BMP10: variants seen among roughly 807,000 people sequenced by gnomAD.
BMP10 encodes the protein bone morphogenetic protein 10.
In BMP10, 9 loss-of-function variants were observed where a neutral mutation model predicts 29.9. The observed-to-expected ratio is 0.30, with a 90% CI of 0.18 to 0.53. BMP10 has a LOEUF of 0.53. Among genes scored for constraint, BMP10 ranks in the 20% least tolerant of loss-of-function variants. BMP10 has a pLI of 0.96. For missense variants in BMP10, 474 were observed against 524.3 expected (o/e 0.90, Z 0.94); for synonymous variants, 202 against 200.2 (o/e 1.01, Z -0.07).
In BMP10 at chr2:68,864,555, C is replaced by A. The variant is rs1214790393; in HGVS notation, c.*1076G>T. ...ACAGGGATGGGAGGAAGGTGAGAGG[C>A]ACTAGGGCCAAGAAGAAAGAGGGAA... is the stretch of plus-strand genomic sequence containing the variant. On this transcript the variant is annotated 3_prime_UTR_variant, in exon 2 of 2. Transcript: ENST00000295379. Among the ~76,000 whole-genome samples, 1 of 151,934 alleles carries A rather than the reference C, an allele frequency of 6.6e-6. No individual in the cohort carries two copies. Among genetic ancestry groups the A allele is most frequent in the Non-Finnish European group, 1.5e-5 (1 of 67,974 alleles).
chr2:68,870,617 C>T (rs541289514), intron 1 of BMP10, among the ~76,000 whole-genome samples: 108 of 152,272 alleles, frequency 7.1e-4, no homozygotes, highest in African/African-American at 2.0e-3. Context: ...ACTGTTTTTA[C>T]CCTTTTTATT....
At position 68,862,705 on chromosome 2, in the gene BMP10, A is replaced by C. The variant is rs1261703170; in HGVS notation, c.*2926T>G. Among the ~76,000 whole-genome samples the C allele has an allele frequency of 6.6e-6, 1 of 152,176 alleles. No homozygotes were observed. Among genetic ancestry groups the C allele is most frequent in the Admixed American group, 6.5e-5 (1 of 15,288 alleles). The stretch of plus-strand genomic sequence containing the variant: ...TCTGACAATATTCTGGCTTCCTGTC[A>C]ATGCAGGAGTTGAAAGTGACACCGG... On this transcript the variant is annotated 3_prime_UTR_variant, in exon 2 of 2. Transcript: ENST00000295379.
Position 68,865,967 on chromosome 2 carries a change from T to C in BMP10, c.939A>G (p.Arg313=). ...RSNIIYDSTA[R]IRRNAKGNYC... The stretch of plus-strand genomic sequence containing the variant: ...AGTTTCCTTTGGCGTTCCTTCTGAT[T>C]CGGGCAGTGGAGTCATAGATGATGT... Residue 313 remains arginine (R), a synonymous_variant, in exon 2 of 2, where the codon CGA becomes CGG. Coordinates refer to ENST00000295379, the MANE Select transcript of BMP10 (RefSeq NM_014482.3). The surrounding 1 kb of genome is among the most constrained non-coding windows in gnomAD (Gnocchi z 4.7). 6.2e-7 allele frequency: 1 copy of C among 1,614,030 alleles called. No homozygotes were observed. The highest frequency in any genetic ancestry group is 2.2e-5 in the East Asian group (1 of 44,870).
chr2:68,867,755 A>G (rs948056705), intron 1 of BMP10, among the ~76,000 whole-genome samples: 2 of 152,020 alleles, frequency 1.3e-5, no homozygotes, highest in Non-Finnish European at 2.9e-5. Flanking sequence ...CCAAGTTTAT[A>G]CTTAGTTCAT....
In BMP10 at chr2:68,866,565, A is replaced by T. The variant is rs1223845357; in HGVS notation, c.341T>A (p.Phe114Tyr). 6.2e-7 allele frequency: 1 copy of T among 1,605,522 alleles called. No homozygotes were observed. Among genetic ancestry groups the T allele is most frequent in the African/African-American group, 1.3e-5 (1 of 74,784 alleles). Residue 114 changes from phenylalanine to tyrosine, a missense_variant, in exon 2 of 2, where the codon TTT becomes TAT. By Grantham distance (22) the Phe-to-Tyr change is conservative. Transcript: ENST00000295379. ...IIRSFKNEDL[F>Y]SQPVSFNGLR... The stretch of plus-strand genomic sequence containing the variant: ...CCCATTAAAACTGACCGGCTGGGAA[A>T]ACAGATCTGAAAAAAGAAATTTGCA...
At position 68,860,953 on chromosome 2, in the gene BMP10, T is replaced by G. The variant is rs1682844017; in HGVS notation, c.*4678A>C. ...TTTATTAATATAGCAATTAGTTTTA[T>G]TCCATCGGGATATGTTATCAAGTAG... On this transcript the variant is annotated 3_prime_UTR_variant, in exon 2 of 2. Transcript: ENST00000295379. Among the ~76,000 whole-genome samples the G allele has an allele frequency of 6.6e-6, 1 of 152,194 alleles. No homozygotes were observed. Among genetic ancestry groups the G allele is most frequent in the Non-Finnish European group, 1.5e-5 (1 of 68,032 alleles).
chr2:68,866,454 A>G lies in BMP10; in HGVS notation c.452T>C (p.Val151Ala). The part of the protein sequence containing the change: ...IMAELRLYTL[V>A]QRDRMIYDGV... Reference sequence around the variant, plus strand: ...ATCGTATATCATACGATCCCTTTGCACCAGTGTGTATAGCCTAAGTTCAGC... The same window carrying G: ...ATCGTATATCATACGATCCCTTTGCGCCAGTGTGTATAGCCTAAGTTCAGC... Residue 151 changes from valine (V) to alanine (A), a missense_variant, in exon 2 of 2, where the codon GTG (valine) becomes GCG (alanine). Physicochemically the swap from Val to Ala is moderately conservative, Grantham distance 64. Around this residue, in one of 2 missense-constraint regions of BMP10, gnomAD observed 408 missense variants for 415.3 expected, o/e 0.98. Transcript: ENST00000295379. 1 of 1,613,852 alleles carries G rather than the reference A, an allele frequency of 6.2e-7. No individual in the cohort carries two copies. Among genetic ancestry groups the G allele is most frequent in the Non-Finnish European group, 8.5e-7 (1 of 1,179,926 alleles).
intron 1 of BMP10, among the ~76,000 whole-genome samples, chr2:68,870,594 T>A (rs1428749603): frequency 6.6e-6 from 1 of 152,208 alleles, no homozygotes; most frequent in Non-Finnish European, 1.5e-5. Context: ...AAATCACAAT[T>A]TGATGTTTTT....
Position 68,866,250 on chromosome 2 carries a change from T to G in BMP10, c.656A>C (p.Gln219Pro), listed in dbSNP as rs1408243727. 9 of 1,614,094 alleles carry G rather than the reference T, an allele frequency of 5.6e-6. No individual in the cohort carries two copies. Among genetic ancestry groups the G allele is most frequent in the Non-Finnish European group, 7.6e-6 (9 of 1,179,990 alleles). Residue 219 changes from glutamine to proline, a missense_variant, in exon 2 of 2, where the codon CAG becomes CCG. Physicochemically the swap from Gln to Pro is moderately conservative, Grantham distance 76. Transcript: ENST00000295379. The part of the protein sequence containing the change: ...RWQKSGSSTH[Q>P]LEVHIESKHD... ...TTTGCTCTCAATGTGGACCTCCAGCTGGTGGGTGGATGAGCCTGACTTTTG... is the reference window on the plus strand; with the variant it reads ...TTTGCTCTCAATGTGGACCTCCAGCGGGTGGGTGGATGAGCCTGACTTTTG...
rs1682899928 is a variant in BMP10 at position 68,863,539 on chromosome 2, A to T, written c.*2092T>A. ...CGTGGTTATTCAAAGCCAGCTATAC[A>T]TCACACACACATACACACATCATGT... is the stretch of plus-strand genomic sequence containing the variant. On this transcript the variant is annotated 3_prime_UTR_variant, in exon 2 of 2. Transcript: ENST00000295379. Among the ~76,000 whole-genome samples, 1 of 152,204 alleles carries T rather than the reference A, an allele frequency of 6.6e-6. No homozygotes were observed. The highest frequency in any genetic ancestry group is 2.4e-5 in the African/African-American group (1 of 41,458).
At chr2:68,866,635 T>TACA in intron 1 of BMP10, 64 bp from the exon 2 acceptor site, 1 of 1,316,578 alleles carries the variant, frequency 7.6e-7, no homozygotes, top group Non-Finnish European at 1.0e-6. Flanking sequence ...AGATGCTTAT[T>TACA]TATGTAATAA....
chr2:68,870,884 G>T, intron 1 of BMP10, 141 bp downstream of exon 1: 3 of 724,260 alleles, frequency 4.1e-6, no homozygotes, highest in Non-Finnish European at 6.7e-6. Flanking sequence ...AACAAAATGT[G>T]CCTTGTTTTT....
rs1226172420 is a variant in BMP10, at chr2:68,862,555, G to A, written c.*3076C>T. Among the ~76,000 whole-genome samples, 1 of 152,182 alleles carries A rather than the reference G, an allele frequency of 6.6e-6. No individual in the cohort carries two copies. Among genetic ancestry groups the A allele is most frequent in the Non-Finnish European group, 1.5e-5 (1 of 68,034 alleles). On this transcript the variant is annotated 3_prime_UTR_variant, in exon 2 of 2. Coordinates refer to ENST00000295379, the MANE Select transcript of BMP10 (RefSeq NM_014482.3). Reference sequence around the variant, plus strand: ...CCCTCTGCTATAATTCTCCTCAAGAGTTGTTTAGCTATATCAACTTCGGTG... The same window carrying A: ...CCCTCTGCTATAATTCTCCTCAAGAATTGTTTAGCTATATCAACTTCGGTG...
At position 68,866,055 on chromosome 2, in the gene BMP10, T is replaced by G; in HGVS notation, c.851A>C (p.Asn284Thr). The change falls in exon 2 of 2, where the codon AAC becomes ACC. Residue 284 changes from asparagine (N) to threonine (T), a missense_variant. Around this residue, in one of 2 missense-constraint regions of BMP10, gnomAD observed 408 missense variants for 415.3 expected, o/e 0.98. Transcript: ENST00000295379. ...ISHEQLPELD[N>T]LGLDSFSSGP... ...ACTGGAAAAGCTATCCAGGCCCAAG[T>G]TGTCCAGCTCTGGAAGTTGCTCATG... The G allele has an allele frequency of 2.5e-6, 4 of 1,614,142 alleles. No individual in the cohort carries two copies. The South Asian group carries it at 4.4e-5, about 18-fold the overall frequency.
rs1010748645 is a variant in BMP10, at chr2:68,861,039, G to A, written c.*4592C>T. On this transcript the variant is annotated 3_prime_UTR_variant, in exon 2 of 2. Coordinates refer to ENST00000295379, the MANE Select transcript of BMP10 (RefSeq NM_014482.3). ...ACCTTACCTCAAGGAAAAATAAGCT[G>A]CAAATAATTATCACCAAAATAATTT... Among the ~76,000 whole-genome samples the A allele has an allele frequency of 6.6e-6, 1 of 152,102 alleles. No individual in the cohort carries two copies. The highest frequency in any genetic ancestry group is 1.5e-5 in the Non-Finnish European group (1 of 68,006).
chr2:68,866,766 C>G (rs1292927458), intron 1 of BMP10, among the ~76,000 whole-genome samples, 195 bp from the exon 2 acceptor site: 1 of 152,054 alleles, frequency 6.6e-6, no homozygotes, highest in Non-Finnish European at 1.5e-5. Context: ...GGTAGAATGC[C>G]CAAAAGAGTT....
intron 1 of BMP10, among the ~76,000 whole-genome samples, chr2:68,868,200 T>G (rs1683001400): frequency 6.6e-6 from 1 of 152,222 alleles, no homozygotes; most frequent in Admixed American, 6.5e-5. Flanking sequence ...TTAACTACAT[T>G]GATATCTTTA....
intron 1 of BMP10, 109 bp from the exon 2 acceptor site, chr2:68,866,680 A>G: frequency 1.3e-6 from 1 of 799,570 alleles, no homozygotes; most frequent in Non-Finnish European, 1.9e-6. Flanking sequence ...TAATGCAGAA[A>G]GAATGAAGGG....
Position 68,871,082 on chromosome 2 carries a change from C to A in BMP10, c.277G>T (p.Ala93Ser). 13 of 1,614,104 alleles carry A rather than the reference C, an allele frequency of 8.1e-6. No individual in the cohort carries two copies. Among genetic ancestry groups the A allele is most frequent in the Non-Finnish European group, 1.1e-5 (13 of 1,180,014 alleles). ...EYMLELYNKF[A>S]TDRTSMPSAN... is the part of the protein sequence containing the mutation. ...GAGGGCATGGAGGTCCGATCTGTTG[C>A]AAATTTGTTGTAGAGTTCCAACATG... is the stretch of plus-strand genomic sequence containing the variant. The change falls in exon 1 of 2, where the codon GCA becomes TCA. Residue 93 changes from alanine (A) to serine (S), a missense_variant. This residue lies in a region of BMP10 where 408 missense variants were observed against 415.3 expected (regional missense o/e 0.98). Transcript: ENST00000295379.
Sources: allele counts gnomAD v4.1 joint callset (sites outside exome capture counted in the v4.1 genomes callset), GRCh38; gene constraint gnomAD v4.1.1; regional missense constraint gnomAD v4.1.1; non-coding constraint Gnocchi (gnomAD v3.1); transcripts MANE v1.5; gene names NCBI Gene and HGNC (gene_info 2026-07-23, HGNC 2026-07-21).